ACVR2A: variants seen among roughly 807,000 people sequenced by gnomAD.
The protein encoded by ACVR2A is activin A receptor type 2A.
A neutral mutation model predicts 61.4 loss-of-function variants in ACVR2A; 7 were observed. The observed-to-expected ratio is 0.11, with a 90% CI of 0.06 to 0.21. ACVR2A has a LOEUF of 0.21. ACVR2A is among the 10% of genes least tolerant of loss of function. The pLI, the probability that ACVR2A is intolerant of heterozygous loss-of-function variation, is 1.00. For missense variants in ACVR2A, 322 were observed against 621.7 expected, an observed-to-expected ratio of 0.52 and a Z score of 5.13; for synonymous variants, 193 against 208.3, an observed-to-expected ratio of 0.93 and a Z score of 0.63.
intron 4 of ACVR2A, among the ~76,000 whole-genome samples, chr2:147,905,044 A>G (rs935866347): frequency 1.3e-5 from 2 of 152,028 alleles, no homozygotes; most frequent in Non-Finnish European, 2.9e-5. Context: ...GTTAATTATA[A>G]ATACATGCTT....
intron 1 of ACVR2A, among the ~76,000 whole-genome samples, chr2:147,881,017 AT>A (rs1686285858): frequency 6.6e-6 from 1 of 152,198 alleles, no homozygotes; most frequent in Non-Finnish European, 1.5e-5. Flanking sequence ...GCTTACTTAT[AT>A]TGGTTAAAAT....
In ACVR2A at chr2:147,896,295, T is replaced by G; in HGVS notation, c.56-6T>G. ...TGGTTATATTATTGTTTTTATTATC[T>G]TATAGGTGCTATACTTGGTAGATCA... is the stretch of plus-strand genomic sequence containing the variant. On this transcript the variant is annotated splice_region_variant and splice_polypyrimidine_tract_variant and intron_variant, in intron 1 of 10. Coordinates refer to ENST00000241416, the MANE Select transcript of ACVR2A (RefSeq NM_001616.5). The G allele has an allele frequency of 2.5e-6, 4 of 1,609,908 alleles. No individual in the cohort carries two copies. Among genetic ancestry groups the G allele is most frequent in the Non-Finnish European group, 3.4e-6 (4 of 1,176,664 alleles).
chr2:147,854,746 T>G (rs1685527740), intron 1 of ACVR2A, among the ~76,000 whole-genome samples: 1 of 152,234 alleles, frequency 6.6e-6, no homozygotes, highest in African/African-American at 2.4e-5. Flanking sequence ...TTCTGAAGCT[T>G]ATAGTCATAA....
intron 1 of ACVR2A, among the ~76,000 whole-genome samples, chr2:147,855,927 A>G (rs1685560755): frequency 6.6e-6 from 1 of 151,680 alleles, no homozygotes; most frequent in South Asian, 2.1e-4. Flanking sequence ...TAAGCTTACC[A>G]CCTCTTTATT....
At chr2:147,886,591 T>C (rs1300791786) in intron 1 of ACVR2A, among the ~76,000 whole-genome samples, 1 of 152,220 alleles carries the variant, frequency 6.6e-6, no homozygotes, top group African/African-American at 2.4e-5. Context: ...GAAAAAAGTG[T>C]AGTGAAATTG....
chr2:147,902,411 A>C lies in ACVR2A; in HGVS notation c.528+2513A>C, dbSNP rs376537197. Among the ~76,000 whole-genome samples, 8 of 151,952 alleles carry C rather than the reference A, an allele frequency of 5.3e-5. No individual in the cohort carries two copies. The East Asian group carries it at 1.2e-3, about 22-fold the overall frequency. On this transcript the variant is annotated intron_variant, in intron 4 of 10. Coordinates refer to ENST00000241416, the MANE Select transcript of ACVR2A (RefSeq NM_001616.5). ...AAAGCACATGCCTTTTGTTTCATAT[A>C]ATTCAGTAAACTTTTCTGCCATCTC...
rs1687601407 is a variant in ACVR2A at position 147,929,505 on chromosome 2, C to T, written c.*2231C>T. On this transcript the variant is annotated 3_prime_UTR_variant, in exon 11 of 11. Transcript: ENST00000241416. ...AAGTTAGAAAAAATTTTTAGAAATC[C>T]TGGGTATTGTATTTAACTGTAGCTA... 6.6e-6 allele frequency: 1 copy of T among 152,080 alleles called. No individual in the cohort carries two copies. The highest frequency in any genetic ancestry group is 1.5e-5 in the Non-Finnish European group (1 of 67,894). 9.4% of individuals were successfully genotyped at this position (152,080 alleles called of 1,614,324 possible). A position where few individuals can be genotyped will look rare whatever the true frequency, so the allele number is the denominator to read the frequency against.
chr2:147,893,427 T>G lies in ACVR2A; in HGVS notation c.56-2874T>G, dbSNP rs540922549. Among the ~76,000 whole-genome samples the G allele has an allele frequency of 2.2e-4, 33 of 151,802 alleles. No homozygotes were observed. The South Asian group carries it at 6.9e-3, about 32-fold the overall frequency. ...ATTGCTGGGTAGTATGGCTGGTGTA[T>G]GTTTTAACTTTAAGAAGCTGTAAAG... is the stretch of plus-strand genomic sequence containing the variant. On this transcript the variant is annotated intron_variant, in intron 1 of 10. Coordinates refer to ENST00000241416, the MANE Select transcript of ACVR2A (RefSeq NM_001616.5).
At chr2:147,906,992 T>C (rs1687002258) in intron 4 of ACVR2A, among the ~76,000 whole-genome samples, 1 of 152,046 alleles carries the variant, frequency 6.6e-6, no homozygotes, top group African/African-American at 2.4e-5. Flanking sequence ...CTTCCCTTGT[T>C]CCCCTGCCCC....
chr2:147,901,918 C>G (rs1280826707), intron 4 of ACVR2A, among the ~76,000 whole-genome samples: 1 of 151,972 alleles, frequency 6.6e-6, no homozygotes, highest in Non-Finnish European at 1.5e-5. Flanking sequence ...TGCAAGACCA[C>G]TTCGTGGCCA....
chr2:147,919,624 G>C (rs1241981595), intron 7 of ACVR2A, among the ~76,000 whole-genome samples: 2 of 152,114 alleles, frequency 1.3e-5, no homozygotes, highest in African/African-American at 2.4e-5. Context: ...GTTGAGACAG[G>C]TGTGTAGAAG....
chr2:147,889,685 T>C (rs1431422222), intron 1 of ACVR2A, among the ~76,000 whole-genome samples: 1 of 151,900 alleles, frequency 6.6e-6, no homozygotes, highest in Non-Finnish European at 1.5e-5. Context: ...AGGCGGAGGT[T>C]GCAGTGAGCC....
intron 4 of ACVR2A, among the ~76,000 whole-genome samples, chr2:147,907,500 C>T (rs1039440469): frequency 6.6e-6 from 1 of 152,148 alleles, no homozygotes; most frequent in Non-Finnish European, 1.5e-5. Context: ...TCGCCAGCAC[C>T]TGTTGTTTCT....
chr2:147,849,759 A>T (rs1685402306), intron 1 of ACVR2A, among the ~76,000 whole-genome samples: 1 of 152,190 alleles, frequency 6.6e-6, no homozygotes, highest in Admixed American at 6.5e-5. Flanking sequence ...AATGAGCCTC[A>T]CAGTGTCTTT....
chr2:147,870,087 A>T (rs1281327640), intron 1 of ACVR2A, among the ~76,000 whole-genome samples: 1 of 129,674 alleles, frequency 7.7e-6, no homozygotes, highest in African/African-American at 2.9e-5. Context: ...AGGAGGGGGG[A>T]TGTGAGGTAT....
chr2:147,928,598 T>C lies in ACVR2A; in HGVS notation c.*1324T>C, dbSNP rs1164416623. The C allele has an allele frequency of 6.6e-6, 1 of 152,256 alleles. No individual in the cohort carries two copies. The highest frequency in any genetic ancestry group is 2.4e-5 in the African/African-American group (1 of 41,360). The allele number at this position is 152,256 out of a possible 1,614,324, so 9.4% of individuals were successfully genotyped here. The stretch of plus-strand genomic sequence containing the variant: ...GTATAACTTAAAATATGCAATGACA[T>C]TTAGAGGTAACCAATGTTGATATAG... On this transcript the variant is annotated 3_prime_UTR_variant, in exon 11 of 11. Transcript: ENST00000241416.
chr2:147,854,147 A>G lies in ACVR2A; in HGVS notation c.55+8940A>G, dbSNP rs186018544. 2.6e-4 allele frequency among the ~76,000 whole-genome samples: 39 copies of G among 152,296 alleles called. No individual in the cohort carries two copies. In the East Asian group the frequency reaches 7.1e-3, roughly 28 times the overall value. ...TATCAGTCAGTTAATGTGAAATAAT[A>G]CTCTGACTAAATGATACAGCCAAAG... On this transcript the variant is annotated intron_variant, in intron 1 of 10. Coordinates refer to ENST00000241416, the MANE Select transcript of ACVR2A (RefSeq NM_001616.5).
At chr2:147,905,956 C>A (rs902797067) in intron 4 of ACVR2A, among the ~76,000 whole-genome samples, 1 of 152,108 alleles carries the variant, frequency 6.6e-6, no homozygotes, top group Admixed American at 6.6e-5. Flanking sequence ...AAAGTGACTT[C>A]TGTTTAAATT....
At position 147,917,411 on chromosome 2, in the gene ACVR2A, A is replaced by C; in HGVS notation, c.801A>C (p.Thr267=). The change falls in exon 6 of 11, where the codon ACA becomes ACC. Residue 267 remains threonine, a synonymous_variant. Coordinates refer to ENST00000241416, the MANE Select transcript of ACVR2A (RefSeq NM_001616.5). ...TSVDVDLWLI[T]AFHEKGSLSD... ...TTGATGTGGATCTTTGGCTGATCAC[A>C]GCATTTCATGAAAAGGTAAAACTAC... 6.2e-7 allele frequency: 1 copy of C among 1,612,102 alleles called. No individual in the cohort carries two copies. The highest frequency in any genetic ancestry group is 8.5e-7 in the Non-Finnish European group (1 of 1,178,728).
Sources: gnomAD v4.1 joint callset for allele counts (sites outside exome capture counted in the v4.1 genomes callset) on GRCh38, gnomAD v4.1.1 for gene constraint, MANE v1.5 for transcripts, NCBI Gene and HGNC (gene_info 2026-07-23, HGNC 2026-07-21) for gene names.